The following GATAD2B variants were observed in gnomAD, a reference collection of about 807,000 sequenced individuals.
GATAD2B encodes the protein transcriptional repressor p66-beta.
GATAD2B carries 8 observed loss-of-function variants against 64.3 expected under a neutral mutation model. The observed-to-expected ratio is 0.12, with a 90% CI of 0.07 to 0.22. The LOEUF (loss-of-function observed/expected upper bound fraction) is 0.22. GATAD2B is among the 10% of genes least tolerant of loss of function. GATAD2B has a pLI of 1.00. For synonymous variants in GATAD2B, 281 were observed against 271.3 expected (o/e 1.04, Z -0.35); for missense variants, 453 against 752.0 (o/e 0.60, Z 4.65).
chr1:153,812,453 A>C (rs995536231), intron 8 of GATAD2B, among the ~76,000 whole-genome samples: 15 of 152,146 alleles, frequency 9.9e-5, no homozygotes, highest in Admixed American at 9.2e-4. Context: ...TTCTGGGTAT[A>C]AGCAGCTAAC....
chr1:153,808,917 G>T lies in GATAD2B; in HGVS notation c.*1260C>A, dbSNP rs1030400908. 6.6e-6 allele frequency: 1 copy of T among 152,156 alleles called. No homozygotes were observed. The highest frequency in any genetic ancestry group is 1.5e-5 in the Non-Finnish European group (1 of 68,046). The allele number at this position is 152,156 out of a possible 1,614,324, so 9.4% of individuals were successfully genotyped here. A position where few individuals can be genotyped will look rare whatever the true frequency, so the allele number is the denominator to read the frequency against. ...AGCTGGTTTTGCCATGAGCTGTTTG[G>T]CTTTGAGCAGTTGGTTCTGCAGCTG... On this transcript the variant is annotated 3_prime_UTR_variant, in exon 11 of 11. Transcript: ENST00000368655.
intron 1 of GATAD2B, among the ~76,000 whole-genome samples, chr1:153,877,011 G>A (rs191123642): frequency 3.2e-4 from 49 of 151,662 alleles, no homozygotes; most frequent in Admixed American, 1.5e-3. Context: ...GCGAGACTCC[G>A]CCTCAAAAAA....
intron 1 of GATAD2B, among the ~76,000 whole-genome samples, chr1:153,828,825 T>C (rs982788834): frequency 2.0e-5 from 3 of 152,186 alleles, no homozygotes; most frequent in Non-Finnish European, 2.9e-5. Context: ...GCACTATTTT[T>C]TTCTTTACTC....
At chr1:153,837,701 G>A (rs1675323820) in intron 1 of GATAD2B, among the ~76,000 whole-genome samples, 1 of 151,992 alleles carries the variant, frequency 6.6e-6, no homozygotes, top group Non-Finnish European at 1.5e-5. Flanking sequence ...TGTTGTGATG[G>A]TTGCACAACT....
At chr1:153,882,640 T>G (rs1165876376) in intron 1 of GATAD2B, among the ~76,000 whole-genome samples, 1 of 152,224 alleles carries the variant, frequency 6.6e-6, no homozygotes, top group East Asian at 1.9e-4. Context: ...CCAGCCATAG[T>G]ATGATTGCAA....
intron 1 of GATAD2B, among the ~76,000 whole-genome samples, chr1:153,828,658 C>CTT (rs879760854): frequency 2.1e-5 from 3 of 141,964 alleles, no homozygotes; most frequent in African/African-American, 7.8e-5. Context: ...GATTGAAAAT[C>CTT]TTTTTTTTTT....
At chr1:153,880,253 G>A (rs1676969167) in intron 1 of GATAD2B, among the ~76,000 whole-genome samples, 1 of 151,926 alleles carries the variant, frequency 6.6e-6, no homozygotes, top group South Asian at 2.1e-4. Flanking sequence ...CTTGAGGTCA[G>A]GAGATCGAGA....
At chr1:153,842,992 G>C (rs1424473307) in intron 1 of GATAD2B, among the ~76,000 whole-genome samples, 1 of 138,826 alleles carries the variant, frequency 7.2e-6, no homozygotes, top group South Asian at 2.2e-4. Flanking sequence ...TCTCGCTGTC[G>C]CCCAGGCTGG....
intron 1 of GATAD2B, among the ~76,000 whole-genome samples, chr1:153,872,555 A>G (rs1676704955): frequency 6.7e-6 from 1 of 149,274 alleles, no homozygotes; most frequent in South Asian, 2.1e-4. Flanking sequence ...CATAATATCA[A>G]AAAAAAAAAA....
intron 1 of GATAD2B, among the ~76,000 whole-genome samples, chr1:153,855,311 T>C (rs908277818): frequency 2.0e-5 from 3 of 152,044 alleles, no homozygotes; most frequent in Admixed American, 6.6e-5. Flanking sequence ...TCACTGTAAC[T>C]TCTGCCTCCT....
At chr1:153,812,161 G>C in intron 8 of GATAD2B, 29 bp from the exon 9 acceptor site, 1 of 1,161,840 alleles carries the variant, frequency 8.6e-7, no homozygotes, top group Non-Finnish European at 1.3e-6. Flanking sequence ...TCAGGTGATT[G>C]AGCAGGACAG....
At chr1:153,827,236 A>C (rs892439720) in intron 2 of GATAD2B, among the ~76,000 whole-genome samples, 1 of 146,754 alleles carries the variant, frequency 6.8e-6, no homozygotes, top group South Asian at 2.2e-4. Context: ...ACAGAGCGAG[A>C]CCTTGCCTCA....
chr1:153,885,817 G>A (rs918093153), intron 1 of GATAD2B, among the ~76,000 whole-genome samples: 11 of 150,180 alleles, frequency 7.3e-5, no homozygotes, highest in African/African-American at 2.2e-4. Flanking sequence ...GAGCCAAGAC[G>A]GCGCCACTGC....
At chr1:153,916,218 T>C (rs1167212964) in intron 1 of GATAD2B, among the ~76,000 whole-genome samples, 6 of 150,292 alleles carry the variant, frequency 4.0e-5, no homozygotes, top group African/African-American at 7.3e-5. Flanking sequence ...GAGGTGGAGG[T>C]TGCAGTAAGC....
chr1:153,830,545 G>A (rs1458237746), intron 1 of GATAD2B, among the ~76,000 whole-genome samples: 7 of 139,310 alleles, frequency 5.0e-5, no homozygotes, highest in Admixed American at 3.0e-4. Context: ...GCGGGATCTC[G>A]GCTCACTGCA....
intron 2 of GATAD2B, among the ~76,000 whole-genome samples, chr1:153,820,778 T>C (rs1310653176): frequency 6.6e-6 from 1 of 151,692 alleles, no homozygotes; most frequent in African/African-American, 2.4e-5. Context: ...TACAGGCATG[T>C]GCCGCTACGC....
intron 1 of GATAD2B, among the ~76,000 whole-genome samples, chr1:153,908,147 C>A (rs1458009450): frequency 2.0e-5 from 3 of 152,084 alleles, no homozygotes; most frequent in African/African-American, 7.2e-5. Context: ...CACAAACACA[C>A]ACTCACGCAC....
At chr1:153,822,913 C>T (rs1009728381) in intron 2 of GATAD2B, among the ~76,000 whole-genome samples, 1 of 152,008 alleles carries the variant, frequency 6.6e-6, no homozygotes, top group African/African-American at 2.4e-5. Flanking sequence ...ATCTCCTAGG[C>T]CCAAGCGATC....
intron 1 of GATAD2B, among the ~76,000 whole-genome samples, chr1:153,895,377 G>C (rs1304326175): frequency 6.6e-6 from 1 of 151,372 alleles, no homozygotes; most frequent in Non-Finnish European, 1.5e-5. Context: ...ACAAGAGATT[G>C]GCAGTATTTC....
Sources: gnomAD v4.1 joint callset for allele counts (sites outside exome capture counted in the v4.1 genomes callset) on GRCh38, gnomAD v4.1.1 for gene constraint, MANE v1.5 for transcripts, NCBI Gene and HGNC (gene_info 2026-07-23, HGNC 2026-07-21) for gene names.